Variants in TM2D1 observed in about 807,000 individuals in gnomAD.
The protein encoded by TM2D1 is TM2 domain-containing protein 1.
TM2D1 carries 15 observed loss-of-function variants against 28.4 expected under a neutral mutation model. The observed-to-expected ratio is 0.53, with a 90% confidence interval of 0.35 to 0.81. TM2D1 has a LOEUF of 0.81. TM2D1 is among the 40% of genes least tolerant of loss of function. The pLI is 0.01. For missense variants in TM2D1, 236 were observed against 254.9 expected, an observed-to-expected ratio of 0.93 and a Z score of 0.50; for synonymous variants, 93 against 96.2, an observed-to-expected ratio of 0.97 and a Z score of 0.20.
At chr1:61,681,771 A>C (rs1466297114) in intron 6 of TM2D1, among the ~76,000 whole-genome samples, 1 of 152,238 alleles carries the variant, frequency 6.6e-6, no homozygotes, top group Non-Finnish European at 1.5e-5. Flanking sequence ...AAAAATGCCT[A>C]ATACAAAATG....
At position 61,682,986 on chromosome 1, in the gene TM2D1, C is replaced by T. The variant is rs530849215; in HGVS notation, c.*19+431G>A. 2.0e-5 allele frequency among the ~76,000 whole-genome samples: 3 copies of T among 151,754 alleles called. No homozygotes were observed. The South Asian group carries it at 6.2e-4, about 32-fold the overall frequency. On this transcript the variant is annotated intron_variant, in intron 6 of 6. Coordinates refer to ENST00000606498, the MANE Select transcript of TM2D1 (RefSeq NM_032027.3). ...AACTTTAGGTTAGAAGAAGCACTTA[C>T]AGGGAATTCAGGCTTTGGACTCTTT...
In TM2D1 at chr1:61,725,086, G is replaced by A. The variant is rs771742683; in HGVS notation, c.35C>T (p.Pro12Leu). ...AAAWPSGPSAPEAVTARLVGV... is the reference protein window; with the variant it reads ...AAAWPSGPSALEAVTARLVGV... ...AACGAGTCTGGCCGTCACGGCCTCCGGAGCAGACGGACCAGACGGCCAGGC... is the reference window on the plus strand; with the variant it reads ...AACGAGTCTGGCCGTCACGGCCTCCAGAGCAGACGGACCAGACGGCCAGGC... Residue 12 changes from proline (P) to leucine (L), a missense_variant, in exon 1 of 7, where the codon CCG (proline) becomes CTG (leucine). Around this residue, in one of 3 missense-constraint regions of TM2D1, gnomAD observed 167 missense variants for 162.7 expected, o/e 1.03. Coordinates refer to ENST00000606498, the MANE Select transcript of TM2D1 (RefSeq NM_032027.3). The A allele has an allele frequency of 7.4e-6, 12 of 1,613,712 alleles. No individual in the cohort carries two copies. The African/African-American group carries it at 1.3e-4, about 18-fold the overall frequency.
intron 5 of TM2D1, among the ~76,000 whole-genome samples, chr1:61,693,131 G>A (rs1368465737): frequency 6.6e-6 from 1 of 152,070 alleles, no homozygotes; most frequent in Non-Finnish European, 1.5e-5. Flanking sequence ...CAGCTACTTG[G>A]GAGGCTGAGG....
At position 61,689,020 on chromosome 1, in the gene TM2D1, G is replaced by A. The variant is rs372119542; in HGVS notation, c.514-5474C>T. Among the ~76,000 whole-genome samples the A allele has an allele frequency of 1.7e-3, 262 of 152,358 alleles. 7 individuals carry two copies. In the South Asian group the frequency reaches 0.05, roughly 29 times the overall value. On this transcript the variant is annotated intron_variant, in intron 5 of 6. Transcript: ENST00000606498. The stretch of plus-strand genomic sequence containing the variant: ...CCACTGCACTCCAGCCTGGGCAACA[G>A]AGCAAGACTCCATCTCAGAAATAAA...
chr1:61,701,041 ATC>A lies in TM2D1; in HGVS notation c.348-18_348-17del. ...ATAGCCATTTCTGCAAAAAATTAAA[ATC>A]TGAGTATCATATTTCCAATGTGAAC... On this transcript the variant is annotated splice_polypyrimidine_tract_variant and intron_variant, in intron 3 of 6. Coordinates refer to ENST00000606498, the MANE Select transcript of TM2D1 (RefSeq NM_032027.3). 1 of 1,584,494 alleles carries A rather than the reference ATC, an allele frequency of 6.3e-7. No individual in the cohort carries two copies. Among genetic ancestry groups the A allele is most frequent in the Non-Finnish European group, 8.6e-7 (1 of 1,160,034 alleles).
At chr1:61,720,307 C>A (rs1400865897) in intron 2 of TM2D1, among the ~76,000 whole-genome samples, 1 of 151,508 alleles carries the variant, frequency 6.6e-6, no homozygotes, top group Non-Finnish European at 1.5e-5. Flanking sequence ...AGTGGCGTGA[C>A]CTCGGCTCAC....
intron 2 of TM2D1, among the ~76,000 whole-genome samples, chr1:61,714,290 C>T (rs563075690): frequency 1.3e-5 from 2 of 151,328 alleles, no homozygotes; most frequent in South Asian, 2.1e-4. Flanking sequence ...CACCTGTAAT[C>T]CCAGCACTTT....
Position 61,709,351 on chromosome 1 carries a change from T to G in TM2D1, c.325A>C (p.Lys109Gln), listed in dbSNP as rs746028600. The change falls in exon 3 of 7, where the codon AAG (lysine) becomes CAG (glutamine). Residue 109 changes from lysine (K) to glutamine (Q), a missense_variant. Physicochemically the swap from Lys to Gln is moderately conservative, Grantham distance 53. This residue lies in a region of TM2D1 where 167 missense variants were observed against 162.7 expected (regional missense o/e 1.03). Transcript: ENST00000606498. ...HFTGNEVGFF[K>Q]PISCRNVNGY... ...TACACATTTCGGCAAGATATGGGCT[T>G]GAAAAAACCAACTTCGTTCCCAGTA... 6.2e-7 allele frequency: 1 copy of G among 1,613,136 alleles called. No individual in the cohort carries two copies. Among genetic ancestry groups the G allele is most frequent in the Non-Finnish European group, 8.5e-7 (1 of 1,179,346 alleles).
In TM2D1 at chr1:61,725,046, G is replaced by A; in HGVS notation, c.75C>T (p.Phe25=). 3 of 1,614,022 alleles carry A rather than the reference G, an allele frequency of 1.9e-6. No individual in the cohort carries two copies. Among genetic ancestry groups the A allele is most frequent in the Non-Finnish European group, 2.5e-6 (3 of 1,179,910 alleles). Residue 25 remains phenylalanine, a synonymous_variant, in exon 1 of 7, where the codon TTC becomes TTT. Transcript: ENST00000606498. ...CCCAGGGTCCTGTAGTGACTGAGACGAACCACAGGACACCAACGAGTCTGG... is the reference window on the plus strand; with the variant it reads ...CCCAGGGTCCTGTAGTGACTGAGACAAACCACAGGACACCAACGAGTCTGG... The part of the protein sequence containing the change: ...VTARLVGVLW[F]VSVTTGPWGA...
At position 61,709,422 on chromosome 1, in the gene TM2D1, G is replaced by T; in HGVS notation, c.254C>A (p.Ala85Glu). The change falls in exon 3 of 7, where the codon GCA becomes GAA. Residue 85 changes from alanine (A) to glutamate (E), a missense_variant. This residue lies in a region of TM2D1 where 167 missense variants were observed against 162.7 expected (regional missense o/e 1.03). Transcript: ENST00000606498. The stretch of plus-strand genomic sequence containing the variant: ...GGAATCCTTACAAGTTATGTTGGGT[G>T]CTGGAAAACAGGAAACTGAAGGCAG... The part of the protein sequence containing the change: ...NYTAHVSCFP[A>E]PNITCKDSSG... 1 of 1,606,920 alleles carries T rather than the reference G, an allele frequency of 6.2e-7. No individual in the cohort carries two copies. Among genetic ancestry groups the T allele is most frequent in the Non-Finnish European group, 8.5e-7 (1 of 1,175,432 alleles).
At chr1:61,721,108 G>A (rs562360172) in intron 2 of TM2D1, among the ~76,000 whole-genome samples, 1 of 152,210 alleles carries the variant, frequency 6.6e-6, no homozygotes, top group African/African-American at 2.4e-5. Context: ...GCATGTACCT[G>A]TAGTCCCAGC....
intron 3 of TM2D1, among the ~76,000 whole-genome samples, 194 bp from the exon 4 acceptor site, chr1:61,701,219 G>A (rs1297059799): frequency 6.7e-6 from 1 of 148,470 alleles, no homozygotes; most frequent in Non-Finnish European, 1.5e-5. Context: ...CCCTATCCCC[G>A]TGTAGCTTAC....
chr1:61,709,579 G>C, intron 2 of TM2D1, 142 bp from the exon 3 acceptor site: 1 of 614,258 alleles, frequency 1.6e-6, no homozygotes, highest in Non-Finnish European at 2.9e-6. Context: ...GGTGGGAAAA[G>C]TGACACTACG....
intron 5 of TM2D1, among the ~76,000 whole-genome samples, chr1:61,691,935 ATAT>A (rs1557527312): frequency 0.11 from 8,538 of 75,662 alleles, 1,249 homozygotes; most frequent in African/African-American, 0.3. Flanking sequence ...AAAAAAAAAT[ATAT>A]ATATATATAT....
chr1:61,688,790 A>AAT, intron 5 of TM2D1, among the ~76,000 whole-genome samples: 1 of 151,298 alleles, frequency 6.6e-6, no homozygotes, highest in South Asian at 2.1e-4. Context: ...TATGCCCATA[A>AAT]TACCAGCACT....
chr1:61,705,618 T>A (rs181289014), intron 3 of TM2D1, among the ~76,000 whole-genome samples: 3 of 152,266 alleles, frequency 2.0e-5, no homozygotes, highest in Admixed American at 6.5e-5. Flanking sequence ...GTCTGGCCCA[T>A]AAAATACTCC....
intron 3 of TM2D1, among the ~76,000 whole-genome samples, chr1:61,703,758 AT>A (rs542875676): frequency 0.38 from 33,990 of 90,200 alleles, 5,853 homozygotes; most frequent in African/African-American, 0.53. Context: ...ATATATATGC[AT>A]TTTTTTTTTT....
intron 2 of TM2D1, among the ~76,000 whole-genome samples, chr1:61,722,989 T>A (rs778746361): frequency 5.4e-4 from 83 of 152,296 alleles, no homozygotes; most frequent in Non-Finnish European, 7.2e-4. Context: ...TCAAAGGAAA[T>A]GACACAACTA....
At chr1:61,724,667 C>T (rs867609658) in intron 1 of TM2D1, among the ~76,000 whole-genome samples, 5 of 151,944 alleles carry the variant, frequency 3.3e-5, no homozygotes, top group Admixed American at 6.6e-5. Flanking sequence ...ACTTCAGGAT[C>T]TACATGTTTT....
Sources: gnomAD v4.1 joint callset for allele counts (sites outside exome capture counted in the v4.1 genomes callset) on GRCh38, gnomAD v4.1.1 for gene constraint, gnomAD v4.1.1 regional missense constraint, MANE v1.5 for transcripts, NCBI Gene and HGNC (gene_info 2026-07-23, HGNC 2026-07-21) for gene names.